Variants in GCNT1 observed in about 807,000 individuals in gnomAD.
GCNT1 encodes the protein glucosaminyl (N-acetyl) transferase 1.
In GCNT1, 16 loss-of-function variants were observed where a neutral mutation model predicts 26.2. The observed-to-expected ratio is 0.61, with a 90% CI of 0.41 to 0.93. The LOEUF (loss-of-function observed/expected upper bound fraction) is 0.93. Ranked by LOEUF, GCNT1 falls within the 40% of genes least tolerant of loss-of-function variation. GCNT1 has a pLI of 0.00. For synonymous variants in GCNT1, 183 were observed against 190.8 expected, an observed-to-expected ratio of 0.96 and a Z score of 0.34; for missense variants, 477 against 526.7, an observed-to-expected ratio of 0.91 and a Z score of 0.92.
At chr9:76,472,261 C>T (rs1824147297) in intron 2 of GCNT1, among the ~76,000 whole-genome samples, 1 of 152,146 alleles carries the variant, frequency 6.6e-6, no homozygotes, top group African/African-American at 2.4e-5. Context: ...TCAGCCTGGG[C>T]AACAGAGCGA....
intron 1 of GCNT1, among the ~76,000 whole-genome samples, chr9:76,421,619 A>G (rs1455269568): frequency 6.7e-6 from 1 of 148,906 alleles, no homozygotes; most frequent in Non-Finnish European, 1.5e-5. Flanking sequence ...AAAAAAAAAA[A>G]AAACCACAAC....
At chr9:76,478,859 T>C (rs1239203343) in intron 2 of GCNT1, among the ~76,000 whole-genome samples, 1 of 152,246 alleles carries the variant, frequency 6.6e-6, no homozygotes, top group African/African-American at 2.4e-5. Flanking sequence ...TACATTTTAT[T>C]TATCTATTTT....
At chr9:76,436,817 A>G (rs1823417053), upstream of GCNT1, among the ~76,000 whole-genome samples, 1 of 152,176 alleles carries the variant, frequency 6.6e-6, no homozygotes, top group Non-Finnish European at 1.5e-5. Flanking sequence ...GGATAGCACC[A>G]GGCTTAGTTC....
At chr9:76,502,162 T>C (rs1234699900) in intron 3 of GCNT1, 77 bp from the exon 4 acceptor site, 8 of 119,492 alleles carry the variant, frequency 6.7e-5, no homozygotes, top group Non-Finnish European at 1.5e-5. Context: ...AAAAACTCTC[T>C]CTCTCTCTCT....
At chr9:76,467,325 AG>A (rs1042632048) in intron 2 of GCNT1, among the ~76,000 whole-genome samples, 6 of 152,200 alleles carry the variant, frequency 3.9e-5, no homozygotes, top group South Asian at 2.1e-4. Flanking sequence ...TACAGGCGTG[AG>A]CCACCTCACC....
chr9:76,465,776 GT>G lies in GCNT1; in HGVS notation c.-290+5601del, dbSNP rs557297818. Among the ~76,000 whole-genome samples, 28 of 152,342 alleles carry G rather than the reference GT, an allele frequency of 1.8e-4. No homozygotes were observed. The East Asian group carries it at 4.6e-3, about 25-fold the overall frequency. On this transcript the variant is annotated intron_variant, in intron 2 of 3. Coordinates refer to ENST00000376730, the MANE Select transcript of GCNT1 (RefSeq NM_001490.5). ...GAGATTGAGTGAGATTGGGTTTGTA[GT>G]TAAAATCAGCAAGAAGGTGGTGATT...
At chr9:76,408,190 G>A in the GCNT1 span, among the ~76,000 whole-genome samples, 3 of 152,158 alleles carry the variant, frequency 2.0e-5, no homozygotes, top group African/African-American at 7.2e-5. Flanking sequence ...GGTAAGAGGG[G>A]AAATCTTTGA....
chr9:76,431,258 A>G (rs2131576842), intron 1 of GCNT1, among the ~76,000 whole-genome samples: 1 of 152,254 alleles, frequency 6.6e-6, no homozygotes, highest in South Asian at 2.1e-4. Flanking sequence ...TCCACAAGGT[A>G]AGGCTCAATC....
rs552367454 is a variant in GCNT1, at chr9:76,490,923, G to A, written c.-289-9993G>A. On this transcript the variant is annotated intron_variant, in intron 2 of 3. Coordinates refer to ENST00000376730, the MANE Select transcript of GCNT1 (RefSeq NM_001490.5). ...AGGATTTTTGATCAGAAGGCTGTGA[G>A]TTGTCAGTGGTCTCAGTGCTTTTGG... Among the ~76,000 whole-genome samples the A allele has an allele frequency of 2.6e-5, 4 of 152,392 alleles. No homozygotes were observed. In the South Asian group the frequency reaches 8.3e-4, roughly 32 times the overall value.
At chr9:76,433,187 C>T (rs1013272262) in intron 1 of GCNT1, among the ~76,000 whole-genome samples, 1 of 152,206 alleles carries the variant, frequency 6.6e-6, no homozygotes, top group Admixed American at 6.5e-5. Flanking sequence ...CCTCCGAATG[C>T]AGGTACAAAG....
rs1825099696 is a variant in GCNT1, at chr9:76,502,395, T to G, written c.14T>G (p.Leu5Trp). The G allele has an allele frequency of 6.2e-7, 1 of 1,610,684 alleles. No individual in the cohort carries two copies. ...TTATTGTTTGAAATGCTGAGGACGT[T>G]GCTGCGAAGGAGACTTTTTTCTTAT... is the stretch of plus-strand genomic sequence containing the variant. MLRTLLRRRLFSYPT... is the reference protein window; with the variant it reads MLRTWLRRRLFSYPT... The change falls in exon 4 of 4, where the codon TTG becomes TGG. Residue 5 changes from leucine (L) to tryptophan (W), a missense_variant. Transcript: ENST00000376730.
chr9:76,434,369 T>C (rs1237209331), intron 1 of GCNT1, among the ~76,000 whole-genome samples: 4 of 152,208 alleles, frequency 2.6e-5, no homozygotes, highest in African/African-American at 9.7e-5. Flanking sequence ...ATGGAGTGAC[T>C]GGCTGGAGCC....
At chr9:76,409,735 C>G in the GCNT1 span, among the ~76,000 whole-genome samples, 1 of 152,090 alleles carries the variant, frequency 6.6e-6, no homozygotes, top group African/African-American at 2.4e-5. Context: ...CATGAGCCAC[C>G]GCATCTGGCT....
the GCNT1 span, among the ~76,000 whole-genome samples, chr9:76,412,539 A>G: frequency 3.3e-5 from 5 of 152,198 alleles, no homozygotes; most frequent in African/African-American, 9.7e-5. Flanking sequence ...AGGATACACA[A>G]TTCTAGTTGG....
chr9:76,494,717 G>A (rs1824854782), intron 2 of GCNT1, among the ~76,000 whole-genome samples: 1 of 152,168 alleles, frequency 6.6e-6, no homozygotes, highest in Admixed American at 6.5e-5. Flanking sequence ...CCTCGGAGAA[G>A]AGAGCAAGAA....
intron 2 of GCNT1, among the ~76,000 whole-genome samples, chr9:76,461,763 C>T (rs1368545699): frequency 6.6e-6 from 1 of 151,134 alleles, no homozygotes; most frequent in Admixed American, 6.6e-5. Flanking sequence ...GTGGTGGGCA[C>T]CTGTAATCCT....
chr9:76,436,339 A>C (rs545226823), intron 1 of GCNT1, among the ~76,000 whole-genome samples: 2 of 152,000 alleles, frequency 1.3e-5, no homozygotes, highest in East Asian at 3.9e-4. Flanking sequence ...GAAAGTCACA[A>C]TGCCTTGGGA....
At chr9:76,429,179 C>T (rs1195359915) in intron 1 of GCNT1, among the ~76,000 whole-genome samples, 1 of 152,096 alleles carries the variant, frequency 6.6e-6, no homozygotes, top group East Asian at 1.9e-4. Flanking sequence ...TATGAGTACA[C>T]TATAATATAC....
upstream of GCNT1, among the ~76,000 whole-genome samples, chr9:76,437,555 C>T (rs1221945151): frequency 6.6e-6 from 1 of 152,240 alleles, no homozygotes; most frequent in Non-Finnish European, 1.5e-5. Context: ...GGGCAACCAG[C>T]AACCCTTGGG....
Sources: allele counts gnomAD v4.1 joint callset (sites outside exome capture counted in the v4.1 genomes callset), GRCh38; gene constraint gnomAD v4.1.1; transcripts MANE v1.5; gene names NCBI Gene and HGNC (gene_info 2026-07-23, HGNC 2026-07-21).